OTUD7A: variants seen among roughly 807,000 people sequenced by gnomAD.
The protein encoded by OTUD7A is OTU domain-containing protein 7A.
Under a neutral mutation model 65.7 loss-of-function variants are expected in OTUD7A, and 12 were observed. The ratio of observed to expected loss-of-function variants is 0.18; its 90% CI spans 0.12 to 0.30. The LOEUF (loss-of-function observed/expected upper bound fraction) is 0.30. Among genes scored for constraint, OTUD7A ranks in the 10% least tolerant of loss-of-function variants. The pLI is 1.00. For synonymous variants in OTUD7A, 641 were observed against 586.3 expected (o/e 1.09, Z -1.35); for missense variants, 1,148 against 1,304.8 (o/e 0.88, Z 1.85).
At chr15:31,785,112 TAAGTACACTTTGATGGATCTAAATCCTGC>T (rs1182980123) in intron 1 of OTUD7A, among the ~76,000 whole-genome samples, 1 of 152,188 alleles carries the variant, frequency 6.6e-6, no homozygotes, top group Non-Finnish European at 1.5e-5. Context: ...ATCTAAACCC[TAAGTACACTTTGATGGATCTAAATCCTGC>T]AAGTACACTT....
intron 6 of OTUD7A, among the ~76,000 whole-genome samples, chr15:31,528,905 T>C (rs969734921): frequency 6.6e-6 from 1 of 152,228 alleles, no homozygotes; most frequent in African/African-American, 2.4e-5. Flanking sequence ...AGAGGACAGA[T>C]TGCTATGAGC....
At chr15:31,739,958 G>T (rs1034773111) in intron 1 of OTUD7A, among the ~76,000 whole-genome samples, 3 of 152,246 alleles carry the variant, frequency 2.0e-5, no homozygotes, top group Non-Finnish European at 4.4e-5. Flanking sequence ...AATCCCTCAT[G>T]TGGCTTCTTT....
chr15:31,700,988 A>ACAGCCTCACCTTGATCTAGTT (rs1192772375), intron 1 of OTUD7A, among the ~76,000 whole-genome samples: 1 of 152,224 alleles, frequency 6.6e-6, no homozygotes, highest in Non-Finnish European at 1.5e-5. Context: ...CCTGTAGTGC[A>ACAGCCTCACCTTGATCTAGTT]CAGCCTCACC....
chr15:31,502,657 G>A (rs2041487424), intron 9 of OTUD7A, among the ~76,000 whole-genome samples: 1 of 152,228 alleles, frequency 6.6e-6, no homozygotes, highest in African/African-American at 2.4e-5. Flanking sequence ...AGAGGGCTGT[G>A]AGTAGCATGG....
At chr15:31,657,643 G>C (rs1474073928) in intron 1 of OTUD7A, among the ~76,000 whole-genome samples, 1 of 151,954 alleles carries the variant, frequency 6.6e-6, no homozygotes, top group Non-Finnish European at 1.5e-5. Flanking sequence ...TTGCAGGCGT[G>C]AGCCACCACA....
chr15:31,648,844 T>C (rs1393643750), intron 3 of OTUD7A, among the ~76,000 whole-genome samples: 1 of 152,168 alleles, frequency 6.6e-6, no homozygotes, highest in Non-Finnish European at 1.5e-5. Context: ...CACTACAACC[T>C]CCGCCTCCTG....
At chr15:31,652,011 A>C (rs1174957415) in intron 3 of OTUD7A, among the ~76,000 whole-genome samples, 1 of 151,952 alleles carries the variant, frequency 6.6e-6, no homozygotes, top group Non-Finnish European at 1.5e-5. Context: ...AAAAAAAAAA[A>C]AAAAAAGAAT....
chr15:31,659,065 AAATAAATAAATAAAT>A, intron 1 of OTUD7A, among the ~76,000 whole-genome samples: 1 of 146,446 alleles, frequency 6.8e-6, no homozygotes, highest in Admixed American at 6.7e-5. Flanking sequence ...ATAAATAAAT[AAATAAATAAATAAAT>A]AAAATAAAAT....
intron 3 of OTUD7A, among the ~76,000 whole-genome samples, chr15:31,617,332 C>A (rs1188332833): frequency 6.6e-6 from 1 of 151,986 alleles, no homozygotes; most frequent in Non-Finnish European, 1.5e-5. Context: ...ACTAAAAATA[C>A]AAAAATTAGC....
At chr15:31,737,794 A>G (rs1343292237) in intron 1 of OTUD7A, among the ~76,000 whole-genome samples, 4 of 152,252 alleles carry the variant, frequency 2.6e-5, no homozygotes, top group East Asian at 3.8e-4. Context: ...CGAGAAAGAA[A>G]TTAGACTGGA....
chr15:31,766,220 C>CA (rs1895090431), intron 1 of OTUD7A: 12 of 1,536,682 alleles, frequency 7.8e-6, no homozygotes, highest in Middle Eastern at 4.6e-4. Flanking sequence ...CACAGCATAA[C>CA]ACACATTGAG....
intron 1 of OTUD7A, among the ~76,000 whole-genome samples, chr15:31,661,854 A>G (rs1892173907): frequency 6.6e-6 from 1 of 152,166 alleles, no homozygotes; most frequent in Admixed American, 6.5e-5. Context: ...TAATTGGTTG[A>G]TATGTCTTTT....
rs145767153 is a variant in OTUD7A, at chr15:31,529,143, G to A, written c.652+1564C>T. ...GACTCTACATGCTGCAGTTGCTGAG[G>A]GACAAAAACATTTCCATGCCCCAGA... On this transcript the variant is annotated intron_variant, in intron 6 of 12. Transcript: ENST00000307050. 1.3e-5 allele frequency among the ~76,000 whole-genome samples: 2 copies of A among 152,258 alleles called. 1 individual carries two copies. The highest frequency in any genetic ancestry group is 4.8e-5 in the African/African-American group (2 of 41,530).
At chr15:31,527,133 T>C in intron 7 of OTUD7A, 48 bp downstream of exon 7, 1 of 1,611,016 alleles carries the variant, frequency 6.2e-7, no homozygotes, top group Admixed American at 1.7e-5. Context: ...GGCCCGAGGC[T>C]GCATCTGGCC....
At chr15:31,730,477 C>T (rs903007423) in intron 1 of OTUD7A, among the ~76,000 whole-genome samples, 6 of 152,176 alleles carry the variant, frequency 3.9e-5, no homozygotes, top group African/African-American at 1.4e-4. Context: ...ATCAAATTCC[C>T]TCTATGAGTT....
chr15:31,610,262 T>C (rs1890361714), intron 3 of OTUD7A, among the ~76,000 whole-genome samples: 1 of 152,058 alleles, frequency 6.6e-6, no homozygotes, highest in Non-Finnish European at 1.5e-5. Flanking sequence ...ATCACAATCC[T>C]AACCATATAT....
intron 1 of OTUD7A, among the ~76,000 whole-genome samples, chr15:31,696,234 C>T (rs1338813594): frequency 4.5e-5 from 6 of 134,516 alleles, no homozygotes; most frequent in Admixed American, 1.6e-4. Context: ...GAGGGGCAGC[C>T]GCTGGCGTGT....
chr15:31,840,814 A>G (rs1897165926), intron 1 of OTUD7A, among the ~76,000 whole-genome samples: 1 of 152,214 alleles, frequency 6.6e-6, no homozygotes, highest in African/African-American at 2.4e-5. Context: ...AACTTTATAG[A>G]ATTTGCTATC....
chr15:31,843,349 A>G (rs1047079147), intron 1 of OTUD7A, among the ~76,000 whole-genome samples: 1 of 151,124 alleles, frequency 6.6e-6, no homozygotes, highest in Non-Finnish European at 1.5e-5. Context: ...AAAAAAAAAA[A>G]CCCCAACCAT....
Sources: allele counts gnomAD v4.1 joint callset (sites outside exome capture counted in the v4.1 genomes callset), GRCh38; gene constraint gnomAD v4.1.1; transcripts MANE v1.5; gene names NCBI Gene and HGNC (gene_info 2026-07-23, HGNC 2026-07-21).